The following HS2ST1 variants were observed in gnomAD, a reference collection of about 807,000 sequenced individuals.
The protein encoded by HS2ST1 is heparan sulfate 2-O-sulfotransferase 1.
In HS2ST1, 18 loss-of-function variants were observed where a neutral mutation model predicts 42.9. The observed-to-expected ratio is 0.42, with a 90% CI of 0.29 to 0.62. The LOEUF (loss-of-function observed/expected upper bound fraction) is 0.62, where lower values mean the gene tolerates loss of function less well. HS2ST1 is among the 20% of genes least tolerant of loss of function. HS2ST1 has a pLI of 0.21. For missense variants in HS2ST1, 334 were observed against 433.8 expected, an observed-to-expected ratio of 0.77 and a Z score of 2.04; for synonymous variants, 146 against 152.9, an observed-to-expected ratio of 0.95 and a Z score of 0.33.
chr1:87,095,895 GAA>G, intron 4 of HS2ST1, among the ~76,000 whole-genome samples: 1 of 150,612 alleles, frequency 6.6e-6, no homozygotes, highest in East Asian at 1.9e-4. Context: ...ACAAAAAAAT[GAA>G]AAGAGTGGCA....
intron 1 of HS2ST1, among the ~76,000 whole-genome samples, chr1:87,060,407 T>C (rs1265661880): frequency 1.3e-5 from 2 of 152,172 alleles, no homozygotes; most frequent in Non-Finnish European, 2.9e-5. Flanking sequence ...ATAATAGAAA[T>C]AGACAAAATC....
intron 1 of HS2ST1, among the ~76,000 whole-genome samples, chr1:87,054,084 A>T (rs1289130954): frequency 6.6e-6 from 1 of 152,116 alleles, no homozygotes; most frequent in Non-Finnish European, 1.5e-5. Flanking sequence ...GGCACATGAA[A>T]CTCACTGTGT....
intron 1 of HS2ST1, among the ~76,000 whole-genome samples, chr1:87,065,681 A>T (rs17129775): frequency 0.022 from 3,292 of 152,140 alleles, 112 homozygotes; most frequent in African/African-American, 0.075. Flanking sequence ...CATGATCCCA[A>T]AATCATTATG....
intron 1 of HS2ST1, chr1:86,958,629 T>TA (rs1424053550): frequency 1.2e-4 from 19 of 152,198 alleles, no homozygotes; most frequent in Admixed American, 3.9e-4. Flanking sequence ...TGTTTTATTT[T>TA]AAAAAATCTC....
chr1:87,013,069 A>G (rs541554408), intron 1 of HS2ST1, among the ~76,000 whole-genome samples: 3 of 152,334 alleles, frequency 2.0e-5, no homozygotes, highest in African/African-American at 7.2e-5. Flanking sequence ...TTCCAGGTGC[A>G]CAATGCAAGC....
intron 1 of HS2ST1, among the ~76,000 whole-genome samples, chr1:86,929,847 CTTTA>C (rs1411063008): frequency 6.6e-6 from 1 of 151,722 alleles, no homozygotes; most frequent in Non-Finnish European, 1.5e-5. Flanking sequence ...GTTCTGTATC[CTTTA>C]TTTAAATTAG....
chr1:86,936,514 A>G (rs1192065488), intron 1 of HS2ST1, among the ~76,000 whole-genome samples: 1 of 152,224 alleles, frequency 6.6e-6, no homozygotes, highest in African/African-American at 2.4e-5. Flanking sequence ...TTCAGGAGTT[A>G]TAATCATTTC....
intron 5 of HS2ST1, among the ~76,000 whole-genome samples, chr1:87,101,163 T>TTTTTG (rs1557546476): frequency 4.3e-5 from 5 of 115,840 alleles, no homozygotes; most frequent in Non-Finnish European, 9.1e-5. Flanking sequence ...TTTGTTTTTT[T>TTTTTG]TTTTTTTTTT....
chr1:86,991,983 A>G (rs960407451), intron 1 of HS2ST1, among the ~76,000 whole-genome samples: 6 of 152,312 alleles, frequency 3.9e-5, no homozygotes, highest in African/African-American at 1.4e-4. Flanking sequence ...ACCGGGCTGC[A>G]CAGCAGGAGG....
chr1:87,081,343 A>T (rs1651682830), intron 2 of HS2ST1, among the ~76,000 whole-genome samples: 1 of 152,234 alleles, frequency 6.6e-6, no homozygotes, highest in Non-Finnish European at 1.5e-5. Context: ...TCAAAAAAAA[A>T]TTGAAATTAT....
At chr1:87,032,315 A>G (rs1287618158) in intron 1 of HS2ST1, among the ~76,000 whole-genome samples, 1 of 152,146 alleles carries the variant, frequency 6.6e-6, no homozygotes, top group African/African-American at 2.4e-5. Context: ...CAGTAGTATT[A>G]AAAACAGTGT....
At chr1:86,916,593 A>T (rs1343090526) in intron 1 of HS2ST1, among the ~76,000 whole-genome samples, 1 of 152,194 alleles carries the variant, frequency 6.6e-6, no homozygotes, top group Non-Finnish European at 1.5e-5. Flanking sequence ...ATTTGAAGAG[A>T]TACTCAGTTT....
In HS2ST1 at chr1:87,059,406, T is replaced by C. The variant is rs578170531; in HGVS notation, c.125-13528T>C. ...TCCAGAAGTATTTTGTTCTTACTTA[T>C]GGCATTTGTTACAGTGGCATTTGTT... On this transcript the variant is annotated intron_variant, in intron 1 of 6. Coordinates refer to ENST00000370550, the MANE Select transcript of HS2ST1 (RefSeq NM_012262.4). Among the ~76,000 whole-genome samples, 7 of 152,332 alleles carry C rather than the reference T, an allele frequency of 4.6e-5. No individual in the cohort carries two copies. The East Asian group carries it at 1.2e-3, about 25-fold the overall frequency.
intron 1 of HS2ST1, among the ~76,000 whole-genome samples, chr1:87,017,432 C>G (rs982511854): frequency 1.3e-5 from 2 of 152,136 alleles, no homozygotes; most frequent in Non-Finnish European, 2.9e-5. Flanking sequence ...CCACCACACC[C>G]GGCCTCTCTC....
chr1:86,964,199 G>A (rs553299866), intron 1 of HS2ST1, among the ~76,000 whole-genome samples: 2 of 152,056 alleles, frequency 1.3e-5, no homozygotes, highest in South Asian at 2.1e-4. Context: ...GACGATGGGC[G>A]GCCAGGCAAA....
chr1:87,018,470 T>A (rs1288354027), intron 1 of HS2ST1, among the ~76,000 whole-genome samples: 1 of 152,160 alleles, frequency 6.6e-6, no homozygotes, highest in African/African-American at 2.4e-5. Flanking sequence ...ACTCTGCTGC[T>A]TTTGCTGCTT....
chr1:87,051,411 A>G (rs1384262138), intron 1 of HS2ST1, among the ~76,000 whole-genome samples: 1 of 152,202 alleles, frequency 6.6e-6, no homozygotes, highest in East Asian at 1.9e-4. Flanking sequence ...AATGATCATA[A>G]TTTTATTTCT....
Position 86,996,479 on chromosome 1 carries a change from CCATAGACTGCCTTT to C in HS2ST1, c.125-76450_125-76437del, listed in dbSNP as rs1031706650. Among the ~76,000 whole-genome samples the C allele has an allele frequency of 9.3e-5, 14 of 149,876 alleles. No homozygotes were observed. In the East Asian group the frequency reaches 2.6e-3, roughly 27 times the overall value. ...AAAAAAAAAAGTAACAGAAGTATGG[CCATAGACTGCCTTT>C]CATAAGTATTTGTGTTGCAGGTACA... On this transcript the variant is annotated intron_variant, in intron 1 of 6. Transcript: ENST00000370550.
In HS2ST1 at chr1:87,108,856, A is replaced by C. The variant is rs1652395854; in HGVS notation, c.*4160A>C. 1 of 152,498 alleles carries C rather than the reference A, an allele frequency of 6.6e-6. No homozygotes were observed. Among genetic ancestry groups the C allele is most frequent in the Non-Finnish European group, 1.5e-5 (1 of 67,950 alleles). The allele number at this position is 152,498 out of a possible 1,614,324, so 9.4% of individuals were successfully genotyped here. The stretch of plus-strand genomic sequence containing the variant: ...AGAGTCAGGTATGTGAGCATCTCTG[A>C]AGCAGTGTTGAATGTAATTTTCGGA... On this transcript the variant is annotated 3_prime_UTR_variant, in exon 7 of 7. Coordinates refer to ENST00000370550, the MANE Select transcript of HS2ST1 (RefSeq NM_012262.4).
Sources: gnomAD v4.1 joint callset for allele counts (sites outside exome capture counted in the v4.1 genomes callset) on GRCh38, gnomAD v4.1.1 for gene constraint, MANE v1.5 for transcripts, NCBI Gene and HGNC (gene_info 2026-07-23, HGNC 2026-07-21) for gene names.